The following FBXL7 variants were observed in gnomAD, a reference collection of about 807,000 sequenced individuals.
FBXL7 encodes F-box and leucine rich repeat protein 7, also known as F-box/LRR-repeat protein 7.
FBXL7 carries 12 observed loss-of-function variants against 38.3 expected under a neutral mutation model. The observed-to-expected ratio is 0.31, with a 90% CI of 0.20 to 0.51. The LOEUF is 0.51. Ranked by LOEUF, FBXL7 falls within the 20% of genes least tolerant of loss-of-function variation. The pLI is 0.98. For synonymous variants in FBXL7, 297 were observed against 300.9 expected (o/e 0.99, Z 0.13); for missense variants, 567 against 676.4 (o/e 0.84, Z 1.79).
At chr5:15,927,127 T>C (rs1741895799) in intron 2 of FBXL7, among the ~76,000 whole-genome samples, 1 of 152,116 alleles carries the variant, frequency 6.6e-6, no homozygotes, top group Non-Finnish European at 1.5e-5. Context: ...ATTTGTTCCC[T>C]GGTCTAGACA....
At chr5:15,515,290 C>A (rs774995134) in intron 1 of FBXL7, among the ~76,000 whole-genome samples, 1 of 152,184 alleles carries the variant, frequency 6.6e-6, no homozygotes, top group South Asian at 2.1e-4. Flanking sequence ...AATTCAAATT[C>A]TGTGCACTAA....
At chr5:15,586,866 C>T (rs1022362871) in intron 1 of FBXL7, among the ~76,000 whole-genome samples, 1 of 152,154 alleles carries the variant, frequency 6.6e-6, no homozygotes, top group Non-Finnish European at 1.5e-5. Flanking sequence ...TCTTTTTAGT[C>T]ATTTATCTGG....
intron 2 of FBXL7, among the ~76,000 whole-genome samples, chr5:15,884,395 T>A (rs762335399): frequency 1.3e-5 from 2 of 151,956 alleles, no homozygotes; most frequent in Non-Finnish European, 2.9e-5. Context: ...GCCTCCCGAG[T>A]AGCTGGGACT....
intron 2 of FBXL7, among the ~76,000 whole-genome samples, chr5:15,773,702 G>T (rs975547621): frequency 5.9e-5 from 9 of 152,042 alleles, no homozygotes; most frequent in Non-Finnish European, 1.2e-4. Context: ...ATTATCAGTG[G>T]CCTAGATGCA....
At chr5:15,850,099 A>T (rs1234227509) in intron 2 of FBXL7, among the ~76,000 whole-genome samples, 2 of 152,226 alleles carry the variant, frequency 1.3e-5, no homozygotes, top group Non-Finnish European at 2.9e-5. Flanking sequence ...ATATCCACAC[A>T]CTGTAACTTC....
chr5:15,557,104 A>T (rs1039826754), intron 1 of FBXL7, among the ~76,000 whole-genome samples: 2 of 152,046 alleles, frequency 1.3e-5, no homozygotes, highest in Non-Finnish European at 2.9e-5. Flanking sequence ...CGCCTGGCTA[A>T]TTTTTTTGTA....
chr5:15,801,634 A>AGT (rs71605509), intron 2 of FBXL7, among the ~76,000 whole-genome samples: 47,376 of 147,600 alleles, frequency 0.32, 7,954 homozygotes, highest in Admixed American at 0.45. Flanking sequence ...AGGGGGAGTC[A>AGT]GTGTGTGTGT....
intron 2 of FBXL7, among the ~76,000 whole-genome samples, chr5:15,677,843 T>C (rs1742714372): frequency 6.6e-6 from 1 of 152,162 alleles, no homozygotes; most frequent in African/African-American, 2.4e-5. Context: ...ATTGTGAATT[T>C]CTGGTCTTTT....
At chr5:15,929,768 C>G (rs908707396) in intron 3 of FBXL7, among the ~76,000 whole-genome samples, 20 of 152,162 alleles carry the variant, frequency 1.3e-4, no homozygotes, top group Non-Finnish European at 1.0e-4. Context: ...ACAGCCCTTC[C>G]TTATCTCATT....
chr5:15,735,820 A>G (rs1735734489), intron 2 of FBXL7, among the ~76,000 whole-genome samples: 1 of 152,214 alleles, frequency 6.6e-6, no homozygotes, highest in African/African-American at 2.4e-5. Flanking sequence ...AGGTTGGGAT[A>G]GTGTTGAGAG....
At chr5:15,920,805 G>A (rs1452961859) in intron 2 of FBXL7, among the ~76,000 whole-genome samples, 2 of 152,200 alleles carry the variant, frequency 1.3e-5, no homozygotes, top group African/African-American at 4.8e-5. Flanking sequence ...ACAGGTGTGA[G>A]GCACCACGCT....
chr5:15,557,371 A>T (rs1047974062), intron 1 of FBXL7, among the ~76,000 whole-genome samples: 14 of 152,378 alleles, frequency 9.2e-5, no homozygotes, highest in Admixed American at 2.6e-4. Flanking sequence ...TATAATTAAT[A>T]AATGTTTAAT....
At chr5:15,600,214 C>A (rs565457802) in intron 1 of FBXL7, among the ~76,000 whole-genome samples, 43 of 152,318 alleles carry the variant, frequency 2.8e-4, no homozygotes, top group African/African-American at 9.9e-4. Flanking sequence ...CAGAACCACT[C>A]TGTGGTCAGT....
intron 2 of FBXL7, among the ~76,000 whole-genome samples, chr5:15,915,073 G>A (rs1285930067): frequency 6.6e-6 from 1 of 152,206 alleles, no homozygotes; most frequent in Non-Finnish European, 1.5e-5. Context: ...GGAGAAACAG[G>A]CCTTCTGGGC....
chr5:15,604,201 T>C (rs970000709), intron 1 of FBXL7, among the ~76,000 whole-genome samples: 1 of 152,140 alleles, frequency 6.6e-6, no homozygotes, highest in African/African-American at 2.4e-5. Flanking sequence ...GTGAAAGTCA[T>C]GTTCTTTTCC....
At chr5:15,847,595 A>T (rs1337303414) in intron 2 of FBXL7, among the ~76,000 whole-genome samples, 2 of 152,112 alleles carry the variant, frequency 1.3e-5, no homozygotes, top group Non-Finnish European at 2.9e-5. Flanking sequence ...TATGCATATG[A>T]AAGAATTTCA....
At chr5:15,579,970 G>A (rs1430725233) in intron 1 of FBXL7, among the ~76,000 whole-genome samples, 3 of 152,158 alleles carry the variant, frequency 2.0e-5, no homozygotes, top group Admixed American at 2.0e-4. Flanking sequence ...GGGAGGTCAT[G>A]CAGTGTTACT....
intron 2 of FBXL7, among the ~76,000 whole-genome samples, chr5:15,770,006 T>A (rs1736686342): frequency 6.6e-6 from 1 of 152,188 alleles, no homozygotes; most frequent in Non-Finnish European, 1.5e-5. Context: ...TTCTGGTAGG[T>A]CAGTTTAGAG....
chr5:15,928,483 G>C lies in FBXL7; in HGVS notation c.721G>C (p.Glu241Gln), dbSNP rs759593302. 6 of 1,611,916 alleles carry C rather than the reference G, an allele frequency of 3.7e-6. No homozygotes were observed. The highest frequency in any genetic ancestry group is 5.1e-6 in the Non-Finnish European group (6 of 1,178,432). Residue 241 changes from glutamate to glutamine, a missense_variant, in exon 3 of 4, where the codon GAG becomes CAG. Coordinates refer to ENST00000504595, the MANE Select transcript of FBXL7 (RefSeq NM_012304.5). This position sits in a 1 kb window ranked among gnomAD's most constrained non-coding sequence, Gnocchi z 4.0. ...FDVVSLCPNL[E>Q]HLDVSGCSKV... is the part of the protein sequence containing the mutation. ...TGTGGTGTCCCTCTGCCCTAATCTG[G>C]AGCACCTGGATGTGTCAGGTAAATG...
Sources: allele counts gnomAD v4.1 joint callset (sites outside exome capture counted in the v4.1 genomes callset), GRCh38; gene constraint gnomAD v4.1.1; non-coding constraint Gnocchi (gnomAD v3.1); transcripts MANE v1.5; gene names NCBI Gene and HGNC (gene_info 2026-07-23, HGNC 2026-07-21).